PARVB: variants seen among roughly 807,000 people sequenced by gnomAD.
The protein encoded by PARVB is parvin beta.
In PARVB, 46 loss-of-function variants were observed where a neutral mutation model predicts 47.0. The ratio of observed to expected loss-of-function variants is 0.98; its 90% confidence interval spans 0.77 to 1.25. The LOEUF (loss-of-function observed/expected upper bound fraction) is 1.25, where lower values mean the gene tolerates loss of function less well. Among genes scored for constraint, PARVB ranks in the 50% most tolerant of loss-of-function variants. The pLI is 0.00. For missense variants in PARVB, 473 were observed against 471.6 expected, an observed-to-expected ratio of 1.00 and a Z score of -0.03; for synonymous variants, 196 against 196.3, an observed-to-expected ratio of 1.00 and a Z score of 0.01.
At chr22:44,094,330 G>A (rs979404051) in intron 2 of PARVB, among the ~76,000 whole-genome samples, 15 of 152,190 alleles carry the variant, frequency 9.9e-5, no homozygotes, top group African/African-American at 3.1e-4. Flanking sequence ...AGGAGGTGTA[G>A]CAGGCCACTC....
At chr22:44,166,523 T>G (rs1264139129) in intron 12 of PARVB, among the ~76,000 whole-genome samples, 1 of 152,212 alleles carries the variant, frequency 6.6e-6, no homozygotes, top group Non-Finnish European at 1.5e-5. Context: ...TGTTTCCTAC[T>G]CATCTGCCGC....
chr22:44,029,278 C>CCCGG (rs970074476), intron 1 of PARVB, among the ~76,000 whole-genome samples: 8 of 152,210 alleles, frequency 5.3e-5, no homozygotes, highest in African/African-American at 1.9e-4. Context: ...AGCCACAGTG[C>CCCGG]CCGGCCTTGG....
intron 8 of PARVB, 170 bp from the exon 9 acceptor site, chr22:44,147,691 G>A (rs780898168): frequency 1.3e-6 from 1 of 763,190 alleles, no homozygotes; most frequent in South Asian, 1.4e-5. Context: ...GGCCGGGACT[G>A]ATCATCAGGG....
At position 44,068,379 on chromosome 22, in the gene PARVB, A is replaced by G. The variant is rs1284836088; in HGVS notation, c.113-25549A>G. 6.6e-6 allele frequency among the ~76,000 whole-genome samples: 1 copy of G among 152,132 alleles called. No homozygotes were observed. Among genetic ancestry groups the G allele is most frequent in the Non-Finnish European group, 1.5e-5 (1 of 68,016 alleles). On this transcript the variant is annotated intron_variant, in intron 1 of 12. Coordinates refer to ENST00000338758, the MANE Select transcript of PARVB (RefSeq NM_013327.5). This position sits in a 1 kb window ranked among gnomAD's most constrained non-coding sequence, Gnocchi z 4.1. The stretch of plus-strand genomic sequence containing the variant: ...GGGGCTGGGCCTGGTGTTATAAACC[A>G]GGAGAGGGTTCAGGCCGAGGAAAGG...
In PARVB at chr22:44,119,670, T is replaced by C. The variant is rs1012902063; in HGVS notation, c.376+530T>C. On this transcript the variant is annotated intron_variant, in intron 4 of 12. Transcript: ENST00000338758. Reference sequence around the variant, plus strand: ...ACAAACCGGTTGTTTATTCATCAGATGTTGGATGAGTCCCGAGGGCTGGGT... The same window carrying C: ...ACAAACCGGTTGTTTATTCATCAGACGTTGGATGAGTCCCGAGGGCTGGGT... 6 of 450,662 alleles carry C rather than the reference T, an allele frequency of 1.3e-5. No individual in the cohort carries two copies. The East Asian group carries it at 3.5e-4, about 26-fold the overall frequency. 27.9% of individuals were successfully genotyped at this position (450,662 alleles called of 1,614,324 possible). A position where few individuals can be genotyped will look rare whatever the true frequency, so the allele number is the denominator to read the frequency against.
At chr22:44,024,511 G>C in intron 1 of PARVB, 60 bp downstream of exon 1, 1 of 896,426 alleles carries the variant, frequency 1.1e-6, no homozygotes. Flanking sequence ...CCCGCCCTCG[G>C]CCCTAGAGCC....
chr22:44,124,836 C>T (rs2053151894), intron 4 of PARVB, among the ~76,000 whole-genome samples: 1 of 152,090 alleles, frequency 6.6e-6, no homozygotes, highest in Non-Finnish European at 1.5e-5. Context: ...GCAGGGGATA[C>T]GTGGACTGCG....
intron 2 of PARVB, among the ~76,000 whole-genome samples, chr22:44,005,625 C>T (rs1257324718): frequency 6.6e-6 from 1 of 152,034 alleles, no homozygotes; most frequent in East Asian, 1.9e-4. Flanking sequence ...AAAAGGAAAA[C>T]CCCACCTCTC....
intron 1 of PARVB, among the ~76,000 whole-genome samples, chr22:44,088,237 A>G (rs1324177870): frequency 1.3e-5 from 2 of 152,184 alleles, no homozygotes; most frequent in Non-Finnish European, 1.5e-5. Context: ...GCAGGAAGGC[A>G]AGTTCGGGAA....
At chr22:44,020,640 AAAGGCT>A (rs2050636253), upstream of PARVB, among the ~76,000 whole-genome samples, 1 of 152,182 alleles carries the variant, frequency 6.6e-6, no homozygotes, top group Non-Finnish European at 1.5e-5. Context: ...AGGGTGTTAC[AAAGGCT>A]TCTGATGAAC....
intron 1 of PARVB, among the ~76,000 whole-genome samples, chr22:44,064,119 C>T (rs1181598086): frequency 2.0e-5 from 3 of 152,154 alleles, no homozygotes; most frequent in Non-Finnish European, 4.4e-5. Context: ...GTGGAATATC[C>T]TGCTCTGTTA....
rs548242027 is a variant in PARVB, at chr22:44,169,306, T to C, written c.*628T>C. ...ATCACTTCTTGGTCACTCGTTTTAA[T>C]GTAGGTTTTGCACAAACATCCAAGA... On this transcript the variant is annotated 3_prime_UTR_variant, in exon 13 of 13. Transcript: ENST00000338758. The C allele has an allele frequency of 8.0e-5, 12 of 150,598 alleles. No homozygotes were observed. In the East Asian group the frequency reaches 2.3e-3, roughly 29 times the overall value. The allele number at this position is 150,598 out of a possible 1,614,324, so 9.3% of individuals were successfully genotyped here. A position where few individuals can be genotyped will look rare whatever the true frequency, so the allele number is the denominator to read the frequency against.
chr22:44,050,725 CT>C (rs769764500), intron 1 of PARVB, among the ~76,000 whole-genome samples: 1 of 152,298 alleles, frequency 6.6e-6, no homozygotes, highest in South Asian at 2.1e-4. Flanking sequence ...CACTTGTCCC[CT>C]GTTAGCTCAG....
chr22:44,081,681 C>CG, intron 1 of PARVB: 1 of 949,188 alleles, frequency 1.1e-6, no homozygotes, highest in Non-Finnish European at 1.3e-6. Context: ...TGGAAGTGAG[C>CG]AGCGGGTTCC....
intron 11 of PARVB, among the ~76,000 whole-genome samples, chr22:44,161,732 G>A (rs1427636882): frequency 6.6e-6 from 1 of 152,206 alleles, no homozygotes; most frequent in Non-Finnish European, 1.5e-5. Context: ...AACCTGTATG[G>A]AATACACTGA....
At chr22:44,100,803 G>T (rs1260798488) in intron 3 of PARVB, among the ~76,000 whole-genome samples, 1 of 152,186 alleles carries the variant, frequency 6.6e-6, no homozygotes, top group African/African-American at 2.4e-5. Context: ...TAGGGCTTGA[G>T]AGAGAATCCC....
intron 11 of PARVB, among the ~76,000 whole-genome samples, chr22:44,162,410 C>T (rs1342218657): frequency 6.6e-6 from 1 of 152,220 alleles, no homozygotes; most frequent in Non-Finnish European, 1.5e-5. Flanking sequence ...CAACCTCCGC[C>T]TCCTGGGTTC....
intron 1 of PARVB, among the ~76,000 whole-genome samples, chr22:44,041,083 A>C (rs1380180687): frequency 2.0e-5 from 3 of 152,196 alleles, no homozygotes. Context: ...CTGCAATTGG[A>C]AATGAATGCT....
At chr22:44,084,942 A>C (rs1239145953) in intron 1 of PARVB, among the ~76,000 whole-genome samples, 1 of 152,188 alleles carries the variant, frequency 6.6e-6, no homozygotes, top group Non-Finnish European at 1.5e-5. Flanking sequence ...TTTATTTCAA[A>C]AGGAGTACAA....
Sources: gnomAD v4.1 joint callset for allele counts (sites outside exome capture counted in the v4.1 genomes callset) on GRCh38, gnomAD v4.1.1 for gene constraint, Gnocchi (gnomAD v3.1) non-coding constraint, MANE v1.5 for transcripts, NCBI Gene and HGNC (gene_info 2026-07-23, HGNC 2026-07-21) for gene names.